The following P2RX5 variants were observed in gnomAD, a reference collection of about 807,000 sequenced individuals.
P2RX5 encodes P2X purinoceptor 5.
In P2RX5, 46 loss-of-function variants were observed where a neutral mutation model predicts 54.1. The observed-to-expected ratio is 0.85, with a 90% CI of 0.67 to 1.09. The LOEUF is 1.09. Ranked by LOEUF, P2RX5 falls within the 50% of genes least tolerant of loss-of-function variation. The pLI is 0.00. For missense variants in P2RX5, 566 were observed against 549.8 expected, an observed-to-expected ratio of 1.03 and a Z score of -0.29; for synonymous variants, 226 against 226.4, an observed-to-expected ratio of 1.00 and a Z score of 0.02.
chr17:3,696,546 C>T (rs148033366), upstream of P2RX5: 9,002 of 152,402 alleles, frequency 0.059, 322 homozygotes, highest in Non-Finnish European at 0.079. Context: ...CCTCCGCCTC[C>T]CGGGTTCAAG....
intron 10 of P2RX5, among the ~76,000 whole-genome samples, chr17:3,680,376 C>A (rs2050227159): frequency 7.0e-6 from 1 of 142,414 alleles, no homozygotes; most frequent in Non-Finnish European, 1.5e-5. Context: ...CCTGCGTCCT[C>A]CACCCTGCAT....
chr17:3,688,475 G>T, intron 8 of P2RX5, 151 bp downstream of exon 8: 1 of 844,552 alleles, frequency 1.2e-6, no homozygotes, highest in Non-Finnish European at 2.0e-6. Flanking sequence ...TGGCCACTCT[G>T]CTGGGGTCCA....
chr17:3,688,223 C>A, intron 8 of P2RX5, 118 bp from the exon 9 acceptor site: 1 of 704,020 alleles, frequency 1.4e-6, no homozygotes, highest in Non-Finnish European at 2.6e-6. Flanking sequence ...CTCTCAGCAG[C>A]CCCAGGAGTG....
chr17:3,684,830 GCC>G (rs1385113512), intron 9 of P2RX5, among the ~76,000 whole-genome samples: 1 of 132,304 alleles, frequency 7.6e-6, no homozygotes, highest in African/African-American at 2.7e-5. Context: ...GCCTAATCCT[GCC>G]CCCTTTTTTT....
chr17:3,693,893 T>C (rs1002642341), intron 1 of P2RX5, among the ~76,000 whole-genome samples: 18 of 150,806 alleles, frequency 1.2e-4, no homozygotes, highest in African/African-American at 4.2e-4. Context: ...CTGGTGCGAG[T>C]AGCTGAGATT....
chr17:3,691,739 C>T lies in P2RX5; in HGVS notation c.193G>A (p.Ala65Thr). 6.2e-7 allele frequency: 1 copy of T among 1,614,238 alleles called. No individual in the cohort carries two copies. The highest frequency in any genetic ancestry group is 1.1e-5 in the South Asian group (1 of 91,088). The change falls in exon 2 of 12, where the codon GCT becomes ACT. Residue 65 changes from alanine to threonine, a missense_variant. Ala to Thr is a moderately conservative substitution (Grantham distance 58, BLOSUM62 0). Coordinates refer to ENST00000225328, the MANE Select transcript of P2RX5 (RefSeq NM_002561.4). ...ACGCCCTTGACTTTGGTGATGACAG[C>T]ACTCTGCAGGGAGGTGTCGACGTCT... ...YQDVDTSLQSAVITKVKGVAF... is the reference protein window; with the variant it reads ...YQDVDTSLQSTVITKVKGVAF...
At chr17:3,694,958 A>G (rs1356836522) in intron 1 of P2RX5, among the ~76,000 whole-genome samples, 1 of 152,326 alleles carries the variant, frequency 6.6e-6, no homozygotes, top group Non-Finnish European at 1.5e-5. Flanking sequence ...GAGCAACAGC[A>G]CAGCGCCTAC....
chr17:3,681,317 A>G (rs2050273440), intron 10 of P2RX5, among the ~76,000 whole-genome samples: 1 of 152,122 alleles, frequency 6.6e-6, no homozygotes, highest in Admixed American at 6.5e-5. Context: ...CTGCTTCTCC[A>G]GAAGGCCTTC....
chr17:3,674,717 C>T (rs1332796361), intron 11 of P2RX5, among the ~76,000 whole-genome samples: 4 of 152,236 alleles, frequency 2.6e-5, no homozygotes, highest in Non-Finnish European at 5.9e-5. Context: ...CGTCTCTTCA[C>T]ACCTGTGCTT....
upstream of P2RX5, among the ~76,000 whole-genome samples, chr17:3,697,912 CTG>C (rs375666933): frequency 2.2e-4 from 34 of 152,270 alleles, no homozygotes; most frequent in South Asian, 6.6e-3. Context: ...GACTTAGTGA[CTG>C]TGTCCCATGC....
chr17:3,705,947 C>G, the P2RX5 span, among the ~76,000 whole-genome samples: 1 of 151,550 alleles, frequency 6.6e-6, no homozygotes, highest in Non-Finnish European at 1.5e-5. Context: ...CAGGTACATA[C>G]TACACCTGGA....
the P2RX5 span, chr17:3,720,207 A>C: frequency 6.2e-6 from 4 of 649,934 alleles, no homozygotes; most frequent in Non-Finnish European, 1.1e-5. Context: ...AGAAGTGTTA[A>C]GGCTGAAAAC....
At chr17:3,684,197 C>A (rs531222188) in intron 9 of P2RX5, among the ~76,000 whole-genome samples, 1 of 152,398 alleles carries the variant, frequency 6.6e-6, no homozygotes, top group East Asian at 1.9e-4. Context: ...GCCTTCCCTG[C>A]CTCTCAGCCT....
chr17:3,696,166 G>C (rs1366782125), upstream of P2RX5: 1 of 608,402 alleles, frequency 1.6e-6, no homozygotes, highest in African/African-American at 1.9e-5. Context: ...GCGGGGGCGG[G>C]TCGGGGCGGC....
chr17:3,692,051 G>A, intron 1 of P2RX5: 4 of 517,448 alleles, frequency 7.7e-6, no homozygotes, highest in South Asian at 2.0e-5. Context: ...GCCGGGCGCA[G>A]TGGCTCACGC....
chr17:3,706,608 C>G, the P2RX5 span, among the ~76,000 whole-genome samples: 648 of 152,084 alleles, frequency 4.3e-3, 3 homozygotes, highest in Non-Finnish European at 7.7e-3. Flanking sequence ...CCGAAAAATG[C>G]GGAGGCCCAG....
upstream of P2RX5, among the ~76,000 whole-genome samples, chr17:3,700,973 C>A (rs8082556): frequency 5.8e-3 from 888 of 152,288 alleles, 4 homozygotes; most frequent in Non-Finnish European, 8.8e-3. Context: ...CAGTCACAAC[C>A]CCCTCACTGC....
At chr17:3,674,419 G>A (rs2050054946) in intron 11 of P2RX5, among the ~76,000 whole-genome samples, 3 of 152,226 alleles carry the variant, frequency 2.0e-5, no homozygotes, top group African/African-American at 7.2e-5. Context: ...TGGGAGCTGG[G>A]GGCTGTGCAA....
upstream of P2RX5, among the ~76,000 whole-genome samples, chr17:3,699,134 G>A (rs1346567653): frequency 2.0e-5 from 3 of 150,166 alleles, no homozygotes; most frequent in Non-Finnish European, 4.4e-5. Context: ...AGTGGCTCAT[G>A]CCTTTAATCC....
Sources: allele counts gnomAD v4.1 joint callset (sites outside exome capture counted in the v4.1 genomes callset), GRCh38; gene constraint gnomAD v4.1.1; transcripts MANE v1.5; gene names NCBI Gene and HGNC (gene_info 2026-07-23, HGNC 2026-07-21).